The following BLTP3A variants were observed in gnomAD, a reference collection of about 807,000 sequenced individuals.
BLTP3A encodes the protein bridge-like lipid transfer protein family member 3A, also known as ICBP90 binding protein 1.
the BLTP3A span, chr6:34,834,218 G>C: frequency 6.2e-7 from 1 of 1,613,458 alleles, no homozygotes; most frequent in Non-Finnish European, 8.5e-7. Flanking sequence ...TTGTTGTAGT[G>C]AATATGGCTT....
At chr6:34,873,958 C>T in the BLTP3A span, 1 of 152,302 alleles carries the variant, frequency 6.6e-6, no homozygotes, top group Non-Finnish European at 1.5e-5. Context: ...AGGAACAGGA[C>T]CCAATTTGTT....
At chr6:34,810,329 T>C in the BLTP3A span, among the ~76,000 whole-genome samples, 14 of 152,206 alleles carry the variant, frequency 9.2e-5, no homozygotes, top group African/African-American at 3.4e-4. Flanking sequence ...TGCAATTTAT[T>C]GGAGAGATGA....
the BLTP3A span, among the ~76,000 whole-genome samples, chr6:34,831,449 T>C: frequency 6.6e-6 from 1 of 152,156 alleles, no homozygotes; most frequent in Non-Finnish European, 1.5e-5. Context: ...TTTTTTAAAT[T>C]ATTGAACAGA....
the BLTP3A span, among the ~76,000 whole-genome samples, chr6:34,845,242 T>C: frequency 6.6e-6 from 1 of 152,204 alleles, no homozygotes; most frequent in South Asian, 2.1e-4. Context: ...TGCCATGCTG[T>C]TTTGGTTATA....
At chr6:34,798,594 C>CTTTCTTTTTTTTTTTTTTTTTTTTTT in the BLTP3A span, among the ~76,000 whole-genome samples, 10 of 94,492 alleles carry the variant, frequency 1.1e-4, no homozygotes, top group Non-Finnish European at 1.8e-4. Context: ...TTCTTTCTTT[C>CTTTCTTTTTTTTTTTTTTTTTTTTTT]TTTTTTTTTT....
At chr6:34,819,141 C>CT in the BLTP3A span, among the ~76,000 whole-genome samples, 19,386 of 133,694 alleles carry the variant, frequency 0.15, 1,400 homozygotes, top group African/African-American at 0.21. Context: ...GACAGTTTTT[C>CT]TTTTTTTTTT....
the BLTP3A span, among the ~76,000 whole-genome samples, chr6:34,792,661 C>G: frequency 6.6e-6 from 1 of 152,186 alleles, no homozygotes; most frequent in Non-Finnish European, 1.5e-5. Context: ...CTTTCCGAGG[C>G]CCCCACGAAG....
the BLTP3A span, among the ~76,000 whole-genome samples, chr6:34,806,627 C>G: frequency 1.3e-5 from 2 of 152,198 alleles, no homozygotes; most frequent in African/African-American, 4.8e-5. Flanking sequence ...CTACACTTCT[C>G]TAAATAGCTC....
the BLTP3A span, among the ~76,000 whole-genome samples, chr6:34,831,981 A>G: frequency 6.6e-6 from 1 of 151,804 alleles, no homozygotes; most frequent in Non-Finnish European, 1.5e-5. Flanking sequence ...CGCCTAGCTA[A>G]TTTTTGTATT....
At chr6:34,793,611 G>A in the BLTP3A span, among the ~76,000 whole-genome samples, 28 of 152,288 alleles carry the variant, frequency 1.8e-4, no homozygotes, top group South Asian at 5.4e-3. Context: ...GCACATTGGA[G>A]GCTGGTGCTG....
the BLTP3A span, among the ~76,000 whole-genome samples, chr6:34,797,986 A>G: frequency 3.9e-5 from 6 of 152,342 alleles, no homozygotes; most frequent in African/African-American, 1.4e-4. Flanking sequence ...CAAACTGAAC[A>G]TGATCATGTC....
chr6:34,847,470 C>T, the BLTP3A span, among the ~76,000 whole-genome samples: 2 of 151,884 alleles, frequency 1.3e-5, no homozygotes, highest in Admixed American at 6.6e-5. Context: ...TTTATTATAC[C>T]TTTGATCTCA....
chr6:34,811,045 A>AT, the BLTP3A span, among the ~76,000 whole-genome samples: 1 of 152,164 alleles, frequency 6.6e-6, no homozygotes. Context: ...ATCTCCAAAA[A>AT]TTTTTCCACA....
chr6:34,859,913 C>A, the BLTP3A span, among the ~76,000 whole-genome samples: 2 of 151,998 alleles, frequency 1.3e-5, no homozygotes, highest in African/African-American at 2.4e-5. Context: ...CAGCTTGCTT[C>A]ACAATTATTG....
the BLTP3A span, among the ~76,000 whole-genome samples, chr6:34,803,633 C>T: frequency 3.9e-5 from 6 of 152,224 alleles, no homozygotes; most frequent in East Asian, 9.6e-4. Context: ...CTCTCCTAAG[C>T]TACCCTTACT....
the BLTP3A span, among the ~76,000 whole-genome samples, chr6:34,830,542 A>G: frequency 6.6e-6 from 1 of 151,572 alleles, no homozygotes; most frequent in Non-Finnish European, 1.5e-5. Context: ...GTGAGCCGAG[A>G]TCACACCACT....
the BLTP3A span, among the ~76,000 whole-genome samples, chr6:34,806,388 C>T: frequency 7.9e-5 from 12 of 152,160 alleles, no homozygotes; most frequent in Non-Finnish European, 1.3e-4. Flanking sequence ...CTCTTAGGTA[C>T]GTGTTCGTGC....
the BLTP3A span, chr6:34,836,232 G>C: frequency 6.2e-7 from 1 of 1,614,206 alleles, no homozygotes; most frequent in South Asian, 1.1e-5. Flanking sequence ...AGCAACAGCA[G>C]CAGCAGCCGC....
At chr6:34,861,906 T>C in the BLTP3A span, among the ~76,000 whole-genome samples, 1 of 152,224 alleles carries the variant, frequency 6.6e-6, no homozygotes, top group African/African-American at 2.4e-5. Context: ...TTTTAATTGC[T>C]CCATTATATT....
Sources: allele counts gnomAD v4.1 joint callset (sites outside exome capture counted in the v4.1 genomes callset), GRCh38; gene constraint gnomAD v4.1.1; transcripts MANE v1.5; gene names NCBI Gene and HGNC (gene_info 2026-07-23, HGNC 2026-07-21).